The following NPHS1 variants were observed in gnomAD, a reference collection of about 807,000 sequenced individuals.
NPHS1 encodes the protein nephrin.
Under a neutral mutation model 139.7 loss-of-function variants are expected in NPHS1, and 107 were observed. The observed-to-expected ratio is 0.77, with a 90% CI of 0.66 to 0.90. The LOEUF (loss-of-function observed/expected upper bound fraction) is 0.90, where lower values mean the gene tolerates loss of function less well. Ranked by LOEUF, NPHS1 falls within the 40% of genes least tolerant of loss-of-function variation. NPHS1 has a pLI of 0.00. For missense variants in NPHS1, 1,580 were observed against 1,654.2 expected (o/e 0.96, Z 0.78); for synonymous variants, 707 against 706.6 (o/e 1.00, Z -0.01).
At position 35,851,006 on chromosome 19, in the gene NPHS1, C is replaced by G; in HGVS notation, c.481G>C (p.Val161Leu). The G allele has an allele frequency of 6.2e-7, 1 of 1,614,170 alleles. No individual in the cohort carries two copies. Among genetic ancestry groups the G allele is most frequent in the Non-Finnish European group, 8.5e-7 (1 of 1,180,026 alleles). ...GGTGCTGGCTTCGCGTCCCCAGACA[C>G]ACAGTTGACCACGTACTCCTGCCCA... is the stretch of plus-strand genomic sequence containing the variant. ...VAGQEYVVNC[V>L]SGDAKPAPDI... is the part of the protein sequence containing the mutation. Residue 161 changes from valine to leucine, a missense_variant, in exon 4 of 29, where the codon GTG becomes CTG. Transcript: ENST00000378910.
intron 20 of NPHS1, among the ~76,000 whole-genome samples, chr19:35,840,623 T>C (rs538991848): frequency 5.4e-5 from 8 of 149,332 alleles, no homozygotes; most frequent in Non-Finnish European, 1.2e-4. Context: ...TGTGAGCCAC[T>C]GCACCCGGCA....
chr19:35,845,958 G>A lies in NPHS1; in HGVS notation c.1627+50C>T. On this transcript the variant is annotated intron_variant, in intron 12 of 28. Coordinates refer to ENST00000378910, the MANE Select transcript of NPHS1 (RefSeq NM_004646.4). The surrounding 1 kb of genome is among the most constrained non-coding windows in gnomAD (Gnocchi z 5.5). Reference sequence around the variant, plus strand: ...GTTCGCTGGGTCCCTGCCCCACCTGGCTCTGTCCCTCCCGCCCCGCCCCCG... The same window carrying A: ...GTTCGCTGGGTCCCTGCCCCACCTGACTCTGTCCCTCCCGCCCCGCCCCCG... 1 of 1,540,368 alleles carries A rather than the reference G, an allele frequency of 6.5e-7. No individual in the cohort carries two copies. Among genetic ancestry groups the A allele is most frequent in the Non-Finnish European group, 8.8e-7 (1 of 1,140,506 alleles).
chr19:35,827,150 AT>A (rs1017667167), intron 28 of NPHS1, among the ~76,000 whole-genome samples: 436 of 143,780 alleles, frequency 3.0e-3, no homozygotes, highest in African/African-American at 3.6e-3. Flanking sequence ...TAACTTTTGA[AT>A]TTTTTTTTTT....
At position 35,841,695 on chromosome 19, in the gene NPHS1, C is replaced by G; in HGVS notation, c.2815+20G>C. ...TCCAGGGAGCACCCCCTCCCCAACA[C>G]CCTCACAGCCCCTCCATACTGATGC... On this transcript the variant is annotated intron_variant, in intron 20 of 28. Transcript: ENST00000378910. 1.9e-6 allele frequency: 3 copies of G among 1,614,068 alleles called. No homozygotes were observed. Among genetic ancestry groups the G allele is most frequent in the Non-Finnish European group, 2.5e-6 (3 of 1,179,932 alleles).
chr19:35,844,524 G>A lies in NPHS1; in HGVS notation c.1931-65C>T, dbSNP rs1257969845. The A allele has an allele frequency of 5.9e-6, 9 of 1,513,226 alleles. No homozygotes were observed. The East Asian group carries it at 9.8e-5, about 16-fold the overall frequency. The allele number at this position is 1,513,226 out of a possible 1,614,324, so 93.7% of individuals were successfully genotyped here. A position where few individuals can be genotyped will look rare whatever the true frequency, so the allele number is the denominator to read the frequency against. ...AGGTTAGGGTCAAGGACAGATTGGA[G>A]ATCAGGCACAGGTTCAAGGGTTAAA... On this transcript the variant is annotated intron_variant, in intron 14 of 28. Coordinates refer to ENST00000378910, the MANE Select transcript of NPHS1 (RefSeq NM_004646.4).
In NPHS1 at chr19:35,831,829, C is replaced by A. The variant is rs569487123; in HGVS notation, c.3167-67G>T. Reference sequence around the variant, plus strand: ...GCTGTAGGCCAGGGGTGGGTCTCCCCGAGAAAGTGTAGCCCTGACCAAGTC... The same window carrying A: ...GCTGTAGGCCAGGGGTGGGTCTCCCAGAGAAAGTGTAGCCCTGACCAAGTC... On this transcript the variant is annotated intron_variant, in intron 23 of 28. Transcript: ENST00000378910. 4.0e-6 allele frequency: 6 copies of A among 1,518,366 alleles called. No homozygotes were observed. The South Asian group carries it at 6.0e-5, about 15-fold the overall frequency. 94.1% of individuals were successfully genotyped at this position (1,518,366 alleles called of 1,614,324 possible).
At chr19:35,829,155 G>A (rs1343775132) in intron 28 of NPHS1, among the ~76,000 whole-genome samples, 1 of 152,234 alleles carries the variant, frequency 6.6e-6, no homozygotes, top group Non-Finnish European at 1.5e-5. Flanking sequence ...TGACCTGAGT[G>A]GGGCTGGCCC....
chr19:35,851,968 T>A lies in NPHS1; in HGVS notation c.-131A>T. On this transcript the variant is annotated 5_prime_UTR_variant, in exon 1 of 29. Transcript: ENST00000378910. ...TTTTTATCTCTTTCCGTTACTCTCC[T>A]CCCTTTCTCGTTTTCCTCTTCCCCT... 1 of 766,714 alleles carries A rather than the reference T, an allele frequency of 1.3e-6. No homozygotes were observed. The highest frequency in any genetic ancestry group is 2.3e-6 in the Non-Finnish European group (1 of 444,174). 47.5% of individuals were successfully genotyped at this position (766,714 alleles called of 1,614,324 possible). A position where few individuals can be genotyped will look rare whatever the true frequency, so the allele number is the denominator to read the frequency against.
intron 20 of NPHS1, among the ~76,000 whole-genome samples, chr19:35,840,099 G>A (rs1973032634): frequency 6.6e-6 from 1 of 151,466 alleles, no homozygotes; most frequent in Non-Finnish European, 1.5e-5. Flanking sequence ...CCACCTCCTG[G>A]GTTCAAGCAA....
At chr19:35,850,595 C>A in intron 4 of NPHS1, 150 bp from the exon 5 acceptor site, 2 of 759,850 alleles carry the variant, frequency 2.6e-6, no homozygotes. Flanking sequence ...CATCCCCTCC[C>A]GACTTTCTGG....
intron 22 of NPHS1, among the ~76,000 whole-genome samples, chr19:35,838,905 A>C (rs192172424): frequency 6.6e-6 from 1 of 152,318 alleles, no homozygotes; most frequent in East Asian, 1.9e-4. Flanking sequence ...ATAAGCACTT[A>C]ATGCTATAAA....
At chr19:35,835,026 C>T (rs3965479) in intron 23 of NPHS1, among the ~76,000 whole-genome samples, 71 of 151,034 alleles carry the variant, frequency 4.7e-4, no homozygotes, top group African/African-American at 1.6e-3. Context: ...GGTGAAACCC[C>T]GTCCCTACTA....
chr19:35,851,143 T>C (rs1973241669), intron 3 of NPHS1, 54 bp from the exon 4 acceptor site: 3 of 1,613,556 alleles, frequency 1.9e-6, no homozygotes, highest in African/African-American at 1.3e-5. Flanking sequence ...GACTTGAAGA[T>C]TGGAGTTCGG....
intron 11 of NPHS1, among the ~76,000 whole-genome samples, chr19:35,847,222 T>A (rs1458821706): frequency 1.3e-5 from 2 of 151,858 alleles, no homozygotes; most frequent in African/African-American, 4.8e-5. Flanking sequence ...ATTTTTTGTA[T>A]TTTTAGTAGA....
Position 35,842,531 on chromosome 19 carries a change from T to C in NPHS1, c.2354A>G (p.Gln785Arg), listed in dbSNP as rs1973076081. The change falls in exon 18 of 29, where the codon CAG becomes CGG. Residue 785 changes from glutamine (Q) to arginine (R), a missense_variant. By Grantham distance (43) the Gln-to-Arg change is conservative. Transcript: ENST00000378910. The stretch of plus-strand genomic sequence containing the variant: ...TATCTTCTCCATGTCATCCAGGCTC[T>C]GGTCCTCCTCATCTTCTCCCTGGAG... ...WERLGEDEED[Q>R]SLDDMEKISR... 1.2e-6 allele frequency: 2 copies of C among 1,614,172 alleles called. No individual in the cohort carries two copies. The highest frequency in any genetic ancestry group is 1.7e-6 in the Non-Finnish European group (2 of 1,180,024).
Position 35,839,559 on chromosome 19 carries a change from T to G in NPHS1, c.2864A>C (p.His955Pro), listed in dbSNP as rs1295592522. 1 of 1,613,892 alleles carries G rather than the reference T, an allele frequency of 6.2e-7. No individual in the cohort carries two copies. Among genetic ancestry groups the G allele is most frequent in the Non-Finnish European group, 8.5e-7 (1 of 1,179,982 alleles). Residue 955 changes from histidine (H) to proline (P), a missense_variant, in exon 21 of 29, where the codon CAC becomes CCC. Transcript: ENST00000378910. Reference sequence around the variant, plus strand: ...AGGCTTCCACTCCAGCCCCACGGAGTGTGGGGTCAGACTCACAACCTTTAA... The same window carrying G: ...AGGCTTCCACTCCAGCCCCACGGAGGGTGGGGTCAGACTCACAACCTTTAA... ...SGLKVVSLTP[H>P]SVGLEWKPGF...
In NPHS1 at chr19:35,846,172, G is replaced by A. The variant is rs767494994; in HGVS notation, c.1463C>T (p.Ser488Leu). 3.0e-5 allele frequency: 48 copies of A among 1,595,076 alleles called. No homozygotes were observed. The African/African-American group carries it at 5.4e-4, about 18-fold the overall frequency. ...GCGCCGCGACTCCTGCGGCAGCCGC[G>A]ACTCGGTCACGGTGCGCGAGTCCTA... Reference protein sequence around the residue: ...WYKDSRTVTESRLPQESRRVH... With the variant: ...WYKDSRTVTELRLPQESRRVH... Residue 488 changes from serine to leucine, a missense_variant, in exon 12 of 29, where the codon TCG (serine) becomes TTG (leucine). Ser to Leu is a moderately radical substitution (Grantham distance 145). Coordinates refer to ENST00000378910, the MANE Select transcript of NPHS1 (RefSeq NM_004646.4).
At chr19:35,830,812 G>A in intron 28 of NPHS1, 32 bp downstream of exon 28, 1 of 1,353,890 alleles carries the variant, frequency 7.4e-7, no homozygotes, top group Non-Finnish European at 1.1e-6. Flanking sequence ...GCACTAGCCA[G>A]GAAGGATGGT....
Position 35,831,704 on chromosome 19 carries a change from G to T in NPHS1, c.3225C>A (p.Leu1075=). 6.2e-7 allele frequency: 1 copy of T among 1,601,584 alleles called. No homozygotes were observed. Among genetic ancestry groups the T allele is most frequent in the African/African-American group, 1.3e-5 (1 of 74,550 alleles). Reference sequence around the variant, plus strand: ...CCCCCCCGACACAGGAGGCATTGGAGAGGAGCAGAAGCCCCCCAAGAGCGA... The same window carrying T: ...CCCCCCCGACACAGGAGGCATTGGATAGGAGCAGAAGCCCCCCAAGAGCGA... ...VLFALGGLLL[L]SNASCVGGVL... The change falls in exon 24 of 29, where the codon CTC becomes CTA. Residue 1075 remains leucine (L), a synonymous_variant. Transcript: ENST00000378910.
Sources: allele counts gnomAD v4.1 joint callset (sites outside exome capture counted in the v4.1 genomes callset), GRCh38; gene constraint gnomAD v4.1.1; non-coding constraint Gnocchi (gnomAD v3.1); transcripts MANE v1.5; gene names NCBI Gene and HGNC (gene_info 2026-07-23, HGNC 2026-07-21).